Variants in DLGAP1 observed in about 807,000 individuals in gnomAD.
DLGAP1 encodes DLG associated protein 1.
DLGAP1 carries 11 observed loss-of-function variants against 90.8 expected under a neutral mutation model. The observed-to-expected ratio is 0.12, with a 90% confidence interval of 0.08 to 0.20. The LOEUF (loss-of-function observed/expected upper bound fraction) is 0.20. DLGAP1 is among the 10% of genes least tolerant of loss of function. The pLI is 1.00. For synonymous variants in DLGAP1, 558 were observed against 540.7 expected, an observed-to-expected ratio of 1.03 and a Z score of -0.44; for missense variants, 1,050 against 1,333.8, an observed-to-expected ratio of 0.79 and a Z score of 3.31.
chr18:4,240,640 C>A (rs186318379), intron 1 of DLGAP1, among the ~76,000 whole-genome samples: 185 of 152,248 alleles, frequency 1.2e-3, no homozygotes, highest in Non-Finnish European at 1.9e-3. Context: ...GAATAAAAAT[C>A]ATAAGTGTCC....
chr18:4,043,461 T>C (rs549651670), intron 2 of DLGAP1, among the ~76,000 whole-genome samples: 2 of 152,218 alleles, frequency 1.3e-5, no homozygotes, highest in African/African-American at 2.4e-5. Flanking sequence ...CCATATGTTA[T>C]ATTTAGCTCA....
chr18:3,823,052 A>G (rs2148496345), intron 4 of DLGAP1, among the ~76,000 whole-genome samples: 1 of 152,350 alleles, frequency 6.6e-6, no homozygotes, highest in Non-Finnish European at 1.5e-5. Context: ...TTTTGACGGT[A>G]GTGAATACGT....
chr18:3,701,395 A>G (rs922530327), intron 7 of DLGAP1, among the ~76,000 whole-genome samples: 3 of 152,210 alleles, frequency 2.0e-5, no homozygotes, highest in Admixed American at 2.0e-4. Flanking sequence ...GTCCCTCCCT[A>G]CAAATCATTG....
intron 2 of DLGAP1, among the ~76,000 whole-genome samples, chr18:4,119,543 T>C (rs1486054056): frequency 1.3e-5 from 2 of 152,176 alleles, no homozygotes; most frequent in Non-Finnish European, 2.9e-5. Context: ...TTTGTCCTCA[T>C]TGGGAAGTGA....
In DLGAP1 at chr18:3,540,337, C is replaced by T. The variant is rs114002715; in HGVS notation, c.2058-5722G>A. On this transcript the variant is annotated intron_variant, in intron 9 of 12. Coordinates refer to ENST00000315677, the MANE Select transcript of DLGAP1 (RefSeq NM_004746.4). Reference sequence around the variant, plus strand: ...CAAAAATTAGCCTGACATGGTGGTACGTGGCTATAGTCCCAGCTACTCGGG... The same window carrying T: ...CAAAAATTAGCCTGACATGGTGGTATGTGGCTATAGTCCCAGCTACTCGGG... Among the ~76,000 whole-genome samples the T allele has an allele frequency of 1.0e-2, 1,515 of 151,590 alleles. 20 individuals carry two copies. The highest frequency in any genetic ancestry group is 0.035 in the African/African-American group (1,434 of 41,254).
intron 3 of DLGAP1, among the ~76,000 whole-genome samples, chr18:3,903,859 T>C (rs181495357): frequency 2.1e-3 from 324 of 152,342 alleles, no homozygotes; most frequent in Middle Eastern, 0.02. Context: ...AATATTGAAA[T>C]GGCAAAGGCA....
At chr18:3,836,028 G>A (rs937890938) in intron 4 of DLGAP1, among the ~76,000 whole-genome samples, 26 of 152,190 alleles carry the variant, frequency 1.7e-4, no homozygotes, top group African/African-American at 6.0e-4. Context: ...AATGAGAAGT[G>A]ATTAATATTA....
chr18:3,586,277 A>G (rs1228175626), intron 7 of DLGAP1, among the ~76,000 whole-genome samples: 1 of 152,004 alleles, frequency 6.6e-6, no homozygotes, highest in Non-Finnish European at 1.5e-5. Flanking sequence ...ACGGAGGGAC[A>G]TTACTCATTA....
At chr18:3,979,999 G>A (rs985437673) in intron 3 of DLGAP1, among the ~76,000 whole-genome samples, 2 of 152,160 alleles carry the variant, frequency 1.3e-5, no homozygotes, top group Admixed American at 1.3e-4. Flanking sequence ...AGCCAGGCGT[G>A]GTGGCAGGCA....
chr18:4,344,024 G>C (rs374926809), intron 1 of DLGAP1, among the ~76,000 whole-genome samples: 2 of 152,060 alleles, frequency 1.3e-5, no homozygotes, highest in Admixed American at 6.6e-5. Context: ...AAAGTGAAAA[G>C]GTGTCCTGAG....
At chr18:4,217,034 C>T (rs1379767627) in intron 1 of DLGAP1, among the ~76,000 whole-genome samples, 1 of 151,968 alleles carries the variant, frequency 6.6e-6, no homozygotes, top group Non-Finnish European at 1.5e-5. Context: ...TCCATATATC[C>T]GTCCGTCTCT....
chr18:3,889,150 G>T (rs2071397946), intron 3 of DLGAP1, among the ~76,000 whole-genome samples: 1 of 152,110 alleles, frequency 6.6e-6, no homozygotes, highest in Non-Finnish European at 1.5e-5. Flanking sequence ...AACTACTGAT[G>T]AATCTAGGAG....
intron 3 of DLGAP1, 145 bp from the exon 4 acceptor site, chr18:3,880,285 G>A: frequency 5.0e-6 from 3 of 604,766 alleles, no homozygotes; most frequent in South Asian, 4.0e-5. Context: ...CTGGGCTCAA[G>A]CCATCCTTCC....
At chr18:3,708,341 C>T (rs889008031) in intron 7 of DLGAP1, 63 of 446,538 alleles carry the variant, frequency 1.4e-4, no homozygotes, top group African/African-American at 7.4e-4. Context: ...CACATCTGAC[C>T]GTTGTAAAAC....
intron 5 of DLGAP1, among the ~76,000 whole-genome samples, chr18:3,782,683 A>G (rs2065254168): frequency 6.6e-6 from 1 of 152,232 alleles, no homozygotes; most frequent in Admixed American, 6.5e-5. Flanking sequence ...CCTTCAATGC[A>G]CAATTCCTCT....
chr18:3,767,086 T>G (rs898006979), intron 5 of DLGAP1, among the ~76,000 whole-genome samples: 2 of 152,052 alleles, frequency 1.3e-5, no homozygotes, highest in East Asian at 3.8e-4. Flanking sequence ...AAATGGAATA[T>G]CACTAGAGAT....
intron 2 of DLGAP1, among the ~76,000 whole-genome samples, chr18:4,020,863 A>G (rs1323609964): frequency 6.6e-6 from 1 of 152,180 alleles, no homozygotes; most frequent in Non-Finnish European, 1.5e-5. Flanking sequence ...CCTGGGAATA[A>G]CATTACTGTT....
intron 2 of DLGAP1, among the ~76,000 whole-genome samples, chr18:4,131,486 C>T (rs1646398052): frequency 6.6e-6 from 1 of 152,164 alleles, no homozygotes; most frequent in African/African-American, 2.4e-5. Context: ...CTTGGCTTTT[C>T]TAGAACAAAA....
At chr18:3,942,911 G>A (rs2072798914) in intron 3 of DLGAP1, among the ~76,000 whole-genome samples, 1 of 151,990 alleles carries the variant, frequency 6.6e-6, no homozygotes, top group Non-Finnish European at 1.5e-5. Context: ...TTTGGAGCTG[G>A]GACACCAGGT....
Sources: gnomAD v4.1 joint callset for allele counts (sites outside exome capture counted in the v4.1 genomes callset) on GRCh38, gnomAD v4.1.1 for gene constraint, MANE v1.5 for transcripts, NCBI Gene and HGNC (gene_info 2026-07-23, HGNC 2026-07-21) for gene names.